The following DNAJC13 variants were observed in gnomAD, a reference collection of about 807,000 sequenced individuals.
DNAJC13 encodes DnaJ heat shock protein family (Hsp40) member C13.
Under a neutral mutation model 290.5 loss-of-function variants are expected in DNAJC13, and 75 were observed. The ratio of observed to expected loss-of-function variants is 0.26; its 90% confidence interval spans 0.21 to 0.31. The LOEUF (loss-of-function observed/expected upper bound fraction) is 0.31, where lower values mean the gene tolerates loss of function less well. Among genes scored for constraint, DNAJC13 ranks in the 10% least tolerant of loss-of-function variants. DNAJC13 has a pLI of 1.00. For missense variants in DNAJC13, 2,260 were observed against 2,674.5 expected, an observed-to-expected ratio of 0.85 and a Z score of 3.42; for synonymous variants, 862 against 892.0, an observed-to-expected ratio of 0.97 and a Z score of 0.60.
At chr3:132,510,963 T>A (rs1935759463) in intron 43 of DNAJC13, 104 bp from the exon 44 acceptor site, 2 of 1,278,172 alleles carry the variant, frequency 1.6e-6, no homozygotes, top group Non-Finnish European at 2.2e-6. Flanking sequence ...TATGTATAAT[T>A]TAATCATGTT....
At chr3:132,513,216 C>G in intron 45 of DNAJC13, 117 bp downstream of exon 45, 1 of 785,314 alleles carries the variant, frequency 1.3e-6, no homozygotes, top group Non-Finnish European at 2.1e-6. Context: ...ATCATTTTGC[C>G]TATTAAGACA....
chr3:132,427,093 G>A (rs1939111935), intron 1 of DNAJC13, among the ~76,000 whole-genome samples: 1 of 147,884 alleles, frequency 6.8e-6, no homozygotes, highest in Non-Finnish European at 1.5e-5. Context: ...GTGTGTGTGT[G>A]TGTGTGTGTG....
At chr3:132,456,434 A>G in intron 10 of DNAJC13, 33 bp downstream of exon 10, 1 of 1,610,494 alleles carries the variant, frequency 6.2e-7, no homozygotes. Context: ...TTACATTTCC[A>G]CTCATCTACT....
In DNAJC13 at chr3:132,518,420, T is replaced by C. The variant is rs538606547; in HGVS notation, c.5673+1604T>C. Among the ~76,000 whole-genome samples the C allele has an allele frequency of 4.3e-3, 647 of 152,218 alleles. 3 individuals carry two copies. Among genetic ancestry groups the C allele is most frequent in the African/African-American group, 0.015 (608 of 41,524 alleles). On this transcript the variant is annotated intron_variant, in intron 48 of 55. Transcript: ENST00000260818. ...AGGCTGAAAGTGCAGTGGTGCAATC[T>C]TAGCTCACTGCAGCCTCTGTCTCCC...
At chr3:132,525,855 T>C (rs1249575692) in intron 52 of DNAJC13, 66 bp downstream of exon 52, 4 of 1,525,310 alleles carry the variant, frequency 2.6e-6, no homozygotes, top group Admixed American at 1.9e-5. Context: ...TCTTGACGGA[T>C]ATAAGTTGTA....
Position 132,447,407 on chromosome 3 carries a change from A to G in DNAJC13, c.231A>G (p.Gly77=), listed in dbSNP as rs201571877. Residue 77 remains glycine (G), a synonymous_variant, in exon 4 of 56, where the codon GGA becomes GGG. Transcript: ENST00000260818. ...EFNLTFRKGS[G]KKSETLKFST... ...ACCTCACATTTCGTAAAGGCAGTGG[A>G]AAAAAGTCAGAAACTTTAAAATTTT... is the stretch of plus-strand genomic sequence containing the variant. 6.7e-5 allele frequency: 108 copies of G among 1,609,654 alleles called. No individual in the cohort carries two copies. The highest frequency in any genetic ancestry group is 8.8e-5 in the Non-Finnish European group (104 of 1,178,040).
chr3:132,479,335 A>C (rs534357642), intron 25 of DNAJC13, 46 bp downstream of exon 25: 2 of 1,286,652 alleles, frequency 1.6e-6, no homozygotes, highest in Admixed American at 1.7e-5. Context: ...AAGTCATATA[A>C]GTATGTAAGA....
At chr3:132,512,284 AT>A (rs1935799703) in intron 44 of DNAJC13, among the ~76,000 whole-genome samples, 1 of 152,188 alleles carries the variant, frequency 6.6e-6, no homozygotes, top group African/African-American at 2.4e-5. Context: ...TCATTGATGT[AT>A]TTGACAGTTA....
chr3:132,441,656 A>G (rs1428469539), intron 2 of DNAJC13, among the ~76,000 whole-genome samples: 1 of 152,238 alleles, frequency 6.6e-6, no homozygotes, highest in Non-Finnish European at 1.5e-5. Flanking sequence ...AATTTTCTCT[A>G]TTATAATACT....
chr3:132,437,640 C>G (rs893010226), intron 2 of DNAJC13, among the ~76,000 whole-genome samples: 1 of 152,098 alleles, frequency 6.6e-6, no homozygotes, highest in Non-Finnish European at 1.5e-5. Context: ...TAGTTTTTTC[C>G]TGGACTCATA....
intron 4 of DNAJC13, 54 bp from the exon 5 acceptor site, chr3:132,447,844 A>G: frequency 6.8e-7 from 1 of 1,479,994 alleles, no homozygotes; most frequent in South Asian, 1.2e-5. Flanking sequence ...GGAGTGAGCC[A>G]AGTTTTCCTT....
intron 48 of DNAJC13, among the ~76,000 whole-genome samples, chr3:132,519,299 A>G (rs1023152261): frequency 1.3e-5 from 2 of 152,132 alleles, no homozygotes; most frequent in African/African-American, 4.8e-5. Flanking sequence ...TATATCTTTT[A>G]TTACAACCAT....
At chr3:132,431,385 T>G (rs1939235572) in intron 1 of DNAJC13, among the ~76,000 whole-genome samples, 1 of 151,968 alleles carries the variant, frequency 6.6e-6, no homozygotes, top group Non-Finnish European at 1.5e-5. Flanking sequence ...TGGTTACAAT[T>G]TAAGTAGAAT....
chr3:132,475,176 A>C (rs984513638), intron 22 of DNAJC13, 91 bp downstream of exon 22: 1 of 926,912 alleles, frequency 1.1e-6, no homozygotes, highest in Non-Finnish European at 1.5e-6. Context: ...TTGTAATTAC[A>C]TATCTGGTCT....
chr3:132,453,228 T>G, intron 6 of DNAJC13, 70 bp from the exon 7 acceptor site: 4 of 1,410,834 alleles, frequency 2.8e-6, no homozygotes, highest in African/African-American at 1.4e-5. Context: ...ACCTTTCCTA[T>G]GAGTTGATTA....
chr3:132,532,369 A>C (rs1936442049), intron 55 of DNAJC13, among the ~76,000 whole-genome samples: 1 of 152,152 alleles, frequency 6.6e-6, no homozygotes, highest in African/African-American at 2.4e-5. Flanking sequence ...CTTCACCATA[A>C]CCACTTTAAT....
At chr3:132,506,045 C>CTTTTATTTTTTTTTTT (rs1935574053) in intron 42 of DNAJC13, among the ~76,000 whole-genome samples, 1 of 72,648 alleles carries the variant, frequency 1.4e-5, no homozygotes, top group Non-Finnish European at 2.7e-5. Flanking sequence ...TGTACATTAT[C>CTTTTATTTTTTTTTTT]TTTTTTTTTT....
At chr3:132,426,915 G>A (rs758553908) in intron 1 of DNAJC13, among the ~76,000 whole-genome samples, 6 of 151,864 alleles carry the variant, frequency 4.0e-5, no homozygotes, top group Non-Finnish European at 8.8e-5. Flanking sequence ...AAATACCTAA[G>A]TGGGGAATAT....
intron 15 of DNAJC13, among the ~76,000 whole-genome samples, 160 bp from the exon 16 acceptor site, chr3:132,462,307 C>T (rs544755072): frequency 6.6e-6 from 1 of 152,154 alleles, no homozygotes; most frequent in Admixed American, 6.5e-5. Flanking sequence ...TGTAAAAATA[C>T]CTAAAATATT....
Sources: gnomAD v4.1 joint callset for allele counts (sites outside exome capture counted in the v4.1 genomes callset) on GRCh38, gnomAD v4.1.1 for gene constraint, MANE v1.5 for transcripts, NCBI Gene and HGNC (gene_info 2026-07-23, HGNC 2026-07-21) for gene names.